The following JCAD variants were observed in gnomAD, a reference collection of about 807,000 sequenced individuals.
The protein encoded by JCAD is junctional cadherin 5 associated.
Under a neutral mutation model 98.0 loss-of-function variants are expected in JCAD, and 40 were observed. That is an observed-to-expected ratio of 0.41 (90% CI 0.32 to 0.53). The LOEUF (loss-of-function observed/expected upper bound fraction) is 0.53, where lower values mean the gene tolerates loss of function less well. JCAD is among the 20% of genes least tolerant of loss of function. JCAD has a pLI of 0.31. For synonymous variants in JCAD, 691 were observed against 682.3 expected (o/e 1.01, Z -0.20); for missense variants, 1,705 against 1,738.1 (o/e 0.98, Z 0.34).
At chr10:30,102,905 C>T (rs1193393635) in intron 1 of JCAD, among the ~76,000 whole-genome samples, 2 of 152,160 alleles carry the variant, frequency 1.3e-5, no homozygotes, top group African/African-American at 4.8e-5. Flanking sequence ...GGGAACTCCC[C>T]TTTATGAAAC....
At chr10:30,074,692 G>A (rs1837951936) in intron 1 of JCAD, among the ~76,000 whole-genome samples, 1 of 152,264 alleles carries the variant, frequency 6.6e-6, no homozygotes, top group Admixed American at 6.5e-5. Flanking sequence ...AGGAGACCAT[G>A]AGGCCTGTGT....
chr10:30,023,607 G>A (rs994844576), intron 3 of JCAD, among the ~76,000 whole-genome samples: 1 of 152,142 alleles, frequency 6.6e-6, no homozygotes, highest in Non-Finnish European at 1.5e-5. Context: ...GAAAATGCCC[G>A]AGGAAGCTGT....
At position 30,059,322 on chromosome 10, in the gene JCAD, G is replaced by T. The variant is rs1393323142; in HGVS notation, c.-60+160C>A. ...GGCCCAGGCGGGGCTGCGACTGGGGGTGCAGACATCCCCCACCGCCAGGGT... is the reference window on the plus strand; with the variant it reads ...GGCCCAGGCGGGGCTGCGACTGGGGTTGCAGACATCCCCCACCGCCAGGGT... On this transcript the variant is annotated intron_variant, in intron 1 of 3. Coordinates refer to ENST00000375377, the MANE Select transcript of JCAD (RefSeq NM_020848.4). The surrounding 1 kb of genome is among the most constrained non-coding windows in gnomAD (Gnocchi z 5.0). 6.6e-6 allele frequency among the ~76,000 whole-genome samples: 1 copy of T among 151,244 alleles called. No homozygotes were observed. The highest frequency in any genetic ancestry group is 2.4e-5 in the African/African-American group (1 of 41,350).
chr10:30,094,496 C>T (rs114169476), intron 1 of JCAD, among the ~76,000 whole-genome samples: 253 of 152,128 alleles, frequency 1.7e-3, no homozygotes, highest in African/African-American at 5.8e-3. Flanking sequence ...CAAAAAACTG[C>T]TTACAGAGGG....
chr10:30,084,061 A>AAAAGAAAG (rs199615554), intron 1 of JCAD, among the ~76,000 whole-genome samples: 2 of 151,726 alleles, frequency 1.3e-5, no homozygotes, highest in African/African-American at 2.4e-5. Context: ...AATAGAAAGA[A>AAAAGAAAG]AAAGAAAGAA....
chr10:30,102,261 T>C (rs532585905), intron 1 of JCAD, among the ~76,000 whole-genome samples: 54 of 152,250 alleles, frequency 3.5e-4, no homozygotes, highest in African/African-American at 1.3e-3. Context: ...CTCCACCTCC[T>C]GGGTTCAAGC....
At chr10:30,031,070 T>C (rs1836980221) in intron 2 of JCAD, among the ~76,000 whole-genome samples, 1 of 151,912 alleles carries the variant, frequency 6.6e-6, no homozygotes, top group African/African-American at 2.4e-5. Context: ...TCTCTCCCAC[T>C]GAAAGTTCAG....
At position 30,029,333 on chromosome 10, in the gene JCAD, G is replaced by A. The variant is rs747299480; in HGVS notation, c.815C>T (p.Thr272Met). The change falls in exon 3 of 4, where the codon ACG (threonine) becomes ATG (methionine). Residue 272 changes from threonine to methionine, a missense_variant. This residue lies in a region of JCAD where 275 missense variants were observed against 346.9 expected (regional missense o/e 0.79). Transcript: ENST00000375377. The stretch of plus-strand genomic sequence containing the variant: ...GCAGCCACTCTTCTCAGAATTCCTC[G>A]TGGAGTCCAAATTTGGTGCGCAAGT... Reference protein sequence around the residue: ...PPTCAPNLDSTRNSEKSGCSA... With the variant: ...PPTCAPNLDSMRNSEKSGCSA... 1.2e-5 allele frequency: 20 copies of A among 1,613,984 alleles called. No individual in the cohort carries two copies. The highest frequency in any genetic ancestry group is 7.7e-5 in the South Asian group (7 of 91,082).
intron 1 of JCAD, among the ~76,000 whole-genome samples, chr10:30,114,180 C>G (rs1201040356): frequency 6.6e-6 from 1 of 152,190 alleles, no homozygotes; most frequent in African/African-American, 2.4e-5. Context: ...CCACTTCAAC[C>G]TCACCCGTAA....
At chr10:30,019,365 A>C in intron 3 of JCAD, among the ~76,000 whole-genome samples, 1 of 151,314 alleles carries the variant, frequency 6.6e-6, no homozygotes, top group Non-Finnish European at 1.5e-5. Context: ...CTCAAAAAAA[A>C]AAAAAAAAAA....
intron 1 of JCAD, among the ~76,000 whole-genome samples, chr10:30,086,858 T>C (rs1838175411): frequency 1.3e-5 from 2 of 152,236 alleles, no homozygotes; most frequent in Non-Finnish European, 2.9e-5. Flanking sequence ...ACAGTTATTT[T>C]TCTCTTTTTT....
chr10:30,107,762 A>G (rs1838612322), intron 1 of JCAD, among the ~76,000 whole-genome samples: 1 of 152,136 alleles, frequency 6.6e-6, no homozygotes, highest in African/African-American at 2.4e-5. Flanking sequence ...ATGATGAGGT[A>G]TCTAAATTAA....
In JCAD at chr10:30,026,545, G is replaced by C. The variant is rs181228865; in HGVS notation, c.3603C>G (p.Phe1201Leu). 1.2e-6 allele frequency: 2 copies of C among 1,614,174 alleles called. No individual in the cohort carries two copies. Among genetic ancestry groups the C allele is most frequent in the South Asian group, 2.2e-5 (2 of 91,080 alleles). The change falls in exon 3 of 4, where the codon TTC becomes TTG. Residue 1201 changes from phenylalanine to leucine, a missense_variant. By Grantham distance (22) the Phe-to-Leu change is conservative. This residue lies in a region of JCAD where 1,278 missense variants were observed against 1,243.1 expected (regional missense o/e 1.03). Transcript: ENST00000375377. ...PEPSPLESKF[F>L]EQKDVETKPP... ...GTTTTGTTTCCACATCCTTTTGTTC[G>C]AAGAACTTGGACTCCAAGGGGCTGG...
intron 1 of JCAD, among the ~76,000 whole-genome samples, chr10:30,090,037 G>A (rs1036963691): frequency 6.6e-6 from 1 of 152,174 alleles, no homozygotes; most frequent in Admixed American, 6.5e-5. Context: ...AACCTGATGG[G>A]TGCTTATGTA....
At chr10:30,100,757 A>G (rs1481893041) in intron 1 of JCAD, among the ~76,000 whole-genome samples, 1 of 152,216 alleles carries the variant, frequency 6.6e-6, no homozygotes, top group Non-Finnish European at 1.5e-5. Flanking sequence ...AATTAGGACT[A>G]ATATGAGTGA....
chr10:30,109,721 G>A (rs548846833), intron 1 of JCAD, among the ~76,000 whole-genome samples: 1 of 152,214 alleles, frequency 6.6e-6, no homozygotes, highest in East Asian at 1.9e-4. Context: ...GATGTGGGGA[G>A]GATAAATAAT....
chr10:30,026,725 G>A lies in JCAD; in HGVS notation c.3423C>T (p.Ser1141=). Residue 1141 remains serine, a synonymous_variant, in exon 3 of 4, where the codon TCC becomes TCT. Transcript: ENST00000375377. The part of the protein sequence containing the change: ...RPAPADVPRV[S]TDAFYGRRKC... ...TCCTCCTGCCATAAAAGGCATCAGT[G>A]GACACCCTGGGGACATCTGCCGGTG... 6.2e-7 allele frequency: 1 copy of A among 1,614,114 alleles called. No individual in the cohort carries two copies. Among genetic ancestry groups the A allele is most frequent in the Non-Finnish European group, 8.5e-7 (1 of 1,180,012 alleles).
chr10:30,059,300 C>A lies in JCAD; in HGVS notation c.-60+182G>T, dbSNP rs2132658035. Among the ~76,000 whole-genome samples, 1 of 151,444 alleles carries A rather than the reference C, an allele frequency of 6.6e-6. No individual in the cohort carries two copies. The highest frequency in any genetic ancestry group is 2.1e-4 in the South Asian group (1 of 4,824). On this transcript the variant is annotated intron_variant, in intron 1 of 3. Coordinates refer to ENST00000375377, the MANE Select transcript of JCAD (RefSeq NM_020848.4). The surrounding 1 kb of genome is among the most constrained non-coding windows in gnomAD (Gnocchi z 5.0). ...CCGGGCTAGGCACCGCGCGGGGGGC[C>A]CAGGCGGGGCTGCGACTGGGGGTGC... is the stretch of plus-strand genomic sequence containing the variant.
chr10:30,058,210 G>A (rs1039196650), intron 1 of JCAD, among the ~76,000 whole-genome samples: 4 of 152,180 alleles, frequency 2.6e-5, no homozygotes, highest in African/African-American at 9.7e-5. Flanking sequence ...GACCGGAGAA[G>A]GAAAACAAGT....
Sources: allele counts gnomAD v4.1 joint callset (sites outside exome capture counted in the v4.1 genomes callset), GRCh38; gene constraint gnomAD v4.1.1; regional missense constraint gnomAD v4.1.1; non-coding constraint Gnocchi (gnomAD v3.1); transcripts MANE v1.5; gene names NCBI Gene and HGNC (gene_info 2026-07-23, HGNC 2026-07-21).